The following ROR1 variants were observed in gnomAD, a reference collection of about 807,000 sequenced individuals.
The protein encoded by ROR1 is inactive tyrosine-protein kinase transmembrane receptor ROR1.
Under a neutral mutation model 78.8 loss-of-function variants are expected in ROR1, and 19 were observed. That is an observed-to-expected ratio of 0.24 (90% CI 0.17 to 0.35). The LOEUF is 0.35. Among genes scored for constraint, ROR1 ranks in the 10% least tolerant of loss-of-function variants. The pLI, the probability that ROR1 is intolerant of heterozygous loss-of-function variation, is 1.00. For missense variants in ROR1, 917 were observed against 1,177.8 expected, an observed-to-expected ratio of 0.78 and a Z score of 3.24; for synonymous variants, 386 against 433.6, an observed-to-expected ratio of 0.89 and a Z score of 1.36.
intron 1 of ROR1, among the ~76,000 whole-genome samples, chr1:63,980,297 T>C (rs285344): frequency 0.66 from 99,762 of 151,930 alleles, 37,740 homozygotes; most frequent in East Asian, 0.94. Context: ...GGGTGATCTC[T>C]TGAGGAAATG....
Position 64,159,156 on chromosome 1 carries a change from T to C in ROR1, c.1350T>C (p.Asn450=), listed in dbSNP as rs1204062226. ...QRQPKHVRGQ[N]VEMSMLNAYK... ...AACCAAAACACGTCAGAGGTCAAAA[T>C]GTAGAGATGTCAATGCTGAATGCAT... is the stretch of plus-strand genomic sequence containing the variant. Residue 450 remains asparagine (N), a synonymous_variant, in exon 8 of 9, where the codon AAT becomes AAC. Transcript: ENST00000371079. 23 of 1,613,946 alleles carry C rather than the reference T, an allele frequency of 1.4e-5. No individual in the cohort carries two copies. Among genetic ancestry groups the C allele is most frequent in the Non-Finnish European group, 1.9e-5 (22 of 1,179,990 alleles).
intron 1 of ROR1, among the ~76,000 whole-genome samples, chr1:63,898,117 A>G (rs1462930793): frequency 6.6e-6 from 1 of 152,202 alleles, no homozygotes; most frequent in Non-Finnish European, 1.5e-5. Flanking sequence ...ATAATTTTGC[A>G]TATTGAAAGG....
At chr1:63,803,634 G>C (rs144873645) in intron 1 of ROR1, among the ~76,000 whole-genome samples, 1 of 152,184 alleles carries the variant, frequency 6.6e-6, no homozygotes, top group Admixed American at 6.5e-5. Context: ...GTGAGCCACC[G>C]CGCCCGGCCC....
At chr1:64,056,808 A>G (rs1005849673) in intron 4 of ROR1, among the ~76,000 whole-genome samples, 1 of 151,872 alleles carries the variant, frequency 6.6e-6, no homozygotes, top group Non-Finnish European at 1.5e-5. Context: ...TTGGCCATTT[A>G]TGTTTTCTTT....
At chr1:63,847,480 C>G (rs771019365) in intron 1 of ROR1, among the ~76,000 whole-genome samples, 1 of 152,044 alleles carries the variant, frequency 6.6e-6, no homozygotes, top group Non-Finnish European at 1.5e-5. Context: ...AGATTCATCT[C>G]CCAGAGACTC....
intron 4 of ROR1, chr1:64,106,386 A>G (rs1448744391): frequency 6.6e-6 from 1 of 152,188 alleles, no homozygotes; most frequent in Non-Finnish European, 1.5e-5. Context: ...TTCTAAATAT[A>G]CAATCATGTT....
intron 1 of ROR1, among the ~76,000 whole-genome samples, chr1:63,977,466 T>C (rs1433708297): frequency 6.6e-6 from 1 of 152,144 alleles, no homozygotes; most frequent in African/African-American, 2.4e-5. Flanking sequence ...GCTCAACCTG[T>C]AGTGAGTTGG....
intron 1 of ROR1, among the ~76,000 whole-genome samples, chr1:63,893,263 C>T (rs895581467): frequency 1.3e-5 from 2 of 152,070 alleles, no homozygotes; most frequent in African/African-American, 4.8e-5. Context: ...CTTCCTGCTA[C>T]CCAGTGATGT....
At position 63,871,949 on chromosome 1, in the gene ROR1, T is replaced by C. The variant is rs149161418; in HGVS notation, c.91+97441T>C. Among the ~76,000 whole-genome samples, 32 of 152,330 alleles carry C rather than the reference T, an allele frequency of 2.1e-4. 1 individual carries two copies. Among genetic ancestry groups the C allele is most frequent in the African/African-American group, 6.3e-4 (26 of 41,564 alleles). ...ACCACTTGTTTTCTAGTTGTAAATA[T>C]TGAGTCCCTAATTTACACTAATGAG... is the stretch of plus-strand genomic sequence containing the variant. On this transcript the variant is annotated intron_variant, in intron 1 of 8. Transcript: ENST00000371079.
In ROR1 at chr1:64,180,156, A is replaced by C. The variant is rs1368903545; in HGVS notation, c.*1301A>C. 1.3e-5 allele frequency: 2 copies of C among 152,186 alleles called. No homozygotes were observed. The highest frequency in any genetic ancestry group is 1.3e-4 in the Admixed American group (2 of 15,278). 9.4% of individuals were successfully genotyped at this position (152,186 alleles called of 1,614,324 possible). Reference sequence around the variant, plus strand: ...ATTTTTGCCTTAGTGGGAGGTTTCAAATGTGCAGCTCATGGCATTTACCTG... The same window carrying C: ...ATTTTTGCCTTAGTGGGAGGTTTCACATGTGCAGCTCATGGCATTTACCTG... On this transcript the variant is annotated 3_prime_UTR_variant, in exon 9 of 9. Transcript: ENST00000371079.
At chr1:63,884,515 A>T (rs1001541078) in intron 1 of ROR1, among the ~76,000 whole-genome samples, 3 of 152,208 alleles carry the variant, frequency 2.0e-5, no homozygotes, top group Non-Finnish European at 2.9e-5. Context: ...GAAATTGCTC[A>T]AGGTCACGCA....
intron 4 of ROR1, among the ~76,000 whole-genome samples, chr1:64,061,007 C>T (rs1217039150): frequency 2.0e-5 from 3 of 152,052 alleles, no homozygotes; most frequent in African/African-American, 4.8e-5. Flanking sequence ...GAAGATACAC[C>T]CTTGCCTTCT....
chr1:63,958,393 T>G (rs1366303164), intron 1 of ROR1, among the ~76,000 whole-genome samples: 1 of 152,172 alleles, frequency 6.6e-6, no homozygotes, highest in Admixed American at 6.5e-5. Context: ...GATTATGGTT[T>G]CGGGGGAAGA....
At chr1:64,036,942 C>G (rs2100576657) in intron 2 of ROR1, among the ~76,000 whole-genome samples, 1 of 152,264 alleles carries the variant, frequency 6.6e-6, no homozygotes, top group South Asian at 2.1e-4. Context: ...CAGCTGGAGT[C>G]TGGAACAGCT....
Position 64,179,918 on chromosome 1 carries a change from C to A in ROR1, c.*1063C>A, listed in dbSNP as rs1027400932. 3 of 152,162 alleles carry A rather than the reference C, an allele frequency of 2.0e-5. No individual in the cohort carries two copies. Among genetic ancestry groups the A allele is most frequent in the African/African-American group, 7.2e-5 (3 of 41,442 alleles). The allele number at this position is 152,162 out of a possible 1,614,324, so 9.4% of individuals were successfully genotyped here. On this transcript the variant is annotated 3_prime_UTR_variant, in exon 9 of 9. Coordinates refer to ENST00000371079, the MANE Select transcript of ROR1 (RefSeq NM_005012.4). The stretch of plus-strand genomic sequence containing the variant: ...CAAATGTCTAGTAATTTTAAAGTTT[C>A]TTTCCCTTTTTTTCTGTGCTGGAAA...
chr1:64,067,552 C>T (rs576910103), intron 4 of ROR1, among the ~76,000 whole-genome samples: 1 of 149,958 alleles, frequency 6.7e-6, no homozygotes, highest in African/African-American at 2.4e-5. Flanking sequence ...CAAATATACT[C>T]AATTTTCTAG....
chr1:64,025,485 C>T (rs904824394), intron 2 of ROR1, among the ~76,000 whole-genome samples: 7 of 152,152 alleles, frequency 4.6e-5, no homozygotes, highest in Admixed American at 6.5e-5. Context: ...AAAAAGGATA[C>T]TTACACACAC....
chr1:63,889,585 G>C (rs759066671), intron 1 of ROR1, among the ~76,000 whole-genome samples: 1 of 144,034 alleles, frequency 6.9e-6, no homozygotes, highest in Non-Finnish European at 1.5e-5. Context: ...GGGTGCCCCC[G>C]GATGGCTGTT....
Position 64,052,477 on chromosome 1 carries a change from A to G in ROR1, c.482+1761A>G, listed in dbSNP as rs369954172. 7.9e-5 allele frequency among the ~76,000 whole-genome samples: 12 copies of G among 152,146 alleles called. 1 individual carries two copies. The highest frequency in any genetic ancestry group is 1.4e-4 in the African/African-American group (6 of 41,516). On this transcript the variant is annotated intron_variant, in intron 4 of 8. Transcript: ENST00000371079. The stretch of plus-strand genomic sequence containing the variant: ...ATCAAAATTATGATTATATCCTTCT[A>G]TGTTCTTCTTGAAGTTTTCATTCTT...
Sources: gnomAD v4.1 joint callset for allele counts (sites outside exome capture counted in the v4.1 genomes callset) on GRCh38, gnomAD v4.1.1 for gene constraint, MANE v1.5 for transcripts, NCBI Gene and HGNC (gene_info 2026-07-23, HGNC 2026-07-21) for gene names.